The following DENND4C variants were observed in gnomAD, a reference collection of about 807,000 sequenced individuals.
DENND4C encodes DENN domain containing 4C.
In DENND4C, 108 loss-of-function variants were observed where a neutral mutation model predicts 203.0. The observed-to-expected ratio is 0.53, with a 90% CI of 0.46 to 0.62. The LOEUF is 0.62. Among genes scored for constraint, DENND4C ranks in the 20% least tolerant of loss-of-function variants. The pLI, the probability that DENND4C is intolerant of heterozygous loss-of-function variation, is 0.00. For synonymous variants in DENND4C, 871 were observed against 792.4 expected, an observed-to-expected ratio of 1.10 and a Z score of -1.67; for missense variants, 2,481 against 2,301.2, an observed-to-expected ratio of 1.08 and a Z score of -1.60.
intron 1 of DENND4C, among the ~76,000 whole-genome samples, chr9:19,250,963 G>A (rs1367848988): frequency 6.6e-6 from 1 of 152,182 alleles, no homozygotes; most frequent in African/African-American, 2.4e-5. Flanking sequence ...ACTGTGGGAG[G>A]ATCTACTATT....
At chr9:19,275,216 G>C (rs1161140546) in intron 1 of DENND4C, among the ~76,000 whole-genome samples, 1 of 151,108 alleles carries the variant, frequency 6.6e-6, no homozygotes, top group Non-Finnish European at 1.5e-5. Flanking sequence ...GACCTCAAGT[G>C]ATCCACCCGC....
rs781598244 is a variant in DENND4C at position 19,336,732 on chromosome 9, C to T, written c.2781C>T (p.His927=). 4.7e-5 allele frequency: 73 copies of T among 1,550,916 alleles called. No individual in the cohort carries two copies. The highest frequency in any genetic ancestry group is 3.1e-4 in the South Asian group (26 of 84,056). The change falls in exon 20 of 33, where the codon CAC becomes CAT. Residue 927 remains histidine (H), a synonymous_variant. Coordinates refer to ENST00000434457, the MANE Select transcript of DENND4C (RefSeq NM_001330640.2). The part of the protein sequence containing the change: ...TGGSDGDTVS[H]GSVDSSNDAN... ...GAAGTGATGGGGACACGGTGAGCCA[C>T]GGTAGTGTGGATAGTTCTAATGATG... is the stretch of plus-strand genomic sequence containing the variant.
At chr9:19,294,203 T>C (rs1414313318) in intron 5 of DENND4C, among the ~76,000 whole-genome samples, 1 of 151,864 alleles carries the variant, frequency 6.6e-6, no homozygotes. Flanking sequence ...CATGAGAGAA[T>C]GAAATGTTCC....
intron 24 of DENND4C, 60 bp from the exon 25 acceptor site, chr9:19,352,013 C>G: frequency 1.4e-6 from 2 of 1,407,018 alleles, no homozygotes; most frequent in Non-Finnish European, 2.0e-6. Context: ...CTTTGGCATG[C>G]ATTTTCAAAA....
chr9:19,314,843 C>A (rs1057424305), intron 10 of DENND4C, among the ~76,000 whole-genome samples: 10 of 151,958 alleles, frequency 6.6e-5, no homozygotes, highest in Admixed American at 6.6e-5. Context: ...AGGTAAAGGG[C>A]TTACAACTGT....
intron 17 of DENND4C, among the ~76,000 whole-genome samples, chr9:19,332,908 T>C (rs1819595469): frequency 2.6e-5 from 4 of 151,174 alleles, no homozygotes; most frequent in African/African-American, 9.7e-5. Context: ...CTTCATTTTA[T>C]TCTTAATATA....
chr9:19,263,276 G>A (rs1829788985), intron 1 of DENND4C, among the ~76,000 whole-genome samples: 1 of 152,112 alleles, frequency 6.6e-6, no homozygotes, highest in African/African-American at 2.4e-5. Context: ...TTGTCTCCCT[G>A]GTTTAAATCC....
intron 1 of DENND4C, among the ~76,000 whole-genome samples, chr9:19,231,558 C>G (rs1257906395): frequency 6.7e-6 from 1 of 150,212 alleles, no homozygotes; most frequent in Non-Finnish European, 1.5e-5. Flanking sequence ...TTTTTTTCCT[C>G]CCCTTTTCTG....
intron 1 of DENND4C, among the ~76,000 whole-genome samples, chr9:19,250,680 T>A (rs1055694142): frequency 3.3e-5 from 5 of 152,144 alleles, no homozygotes; most frequent in African/African-American, 9.7e-5. Flanking sequence ...ATTGGGTAAA[T>A]ACAGCCATTT....
chr9:19,280,614 T>A (rs1833858497), intron 2 of DENND4C, among the ~76,000 whole-genome samples: 1 of 152,154 alleles, frequency 6.6e-6, no homozygotes, highest in African/African-American at 2.4e-5. Flanking sequence ...GATAAAATTG[T>A]GGTAACCTCC....
intron 10 of DENND4C, among the ~76,000 whole-genome samples, chr9:19,306,994 G>T (rs1249962896): frequency 2.6e-5 from 4 of 151,932 alleles, no homozygotes; most frequent in African/African-American, 7.3e-5. Flanking sequence ...ATGTTGTCCA[G>T]GCTGGTCTTG....
chr9:19,287,329 G>C (rs570537437), intron 3 of DENND4C, among the ~76,000 whole-genome samples: 5 of 152,092 alleles, frequency 3.3e-5, no homozygotes, highest in African/African-American at 4.8e-5. Flanking sequence ...GGTTAGAGTG[G>C]GTAGAAGCTC....
chr9:19,361,872 T>C lies in DENND4C; in HGVS notation c.5433T>C (p.Asp1811=). ...TTCCTCTGTCATCTCTGTCCCAGGATAGCAAACTTGTGTATATTCAGCTGT... is the reference window on the plus strand; with the variant it reads ...TTCCTCTGTCATCTCTGTCCCAGGACAGCAAACTTGTGTATATTCAGCTGT... The part of the protein sequence containing the change: ...VQLPLSSLSQ[D]SKLVYIQLLW... Residue 1811 remains aspartate, a synonymous_variant, in exon 30 of 33, where the codon GAT becomes GAC. Transcript: ENST00000434457. 1 of 1,610,946 alleles carries C rather than the reference T, an allele frequency of 6.2e-7. No individual in the cohort carries two copies. Among genetic ancestry groups the C allele is most frequent in the Non-Finnish European group, 8.5e-7 (1 of 1,177,118 alleles).
intron 26 of DENND4C, among the ~76,000 whole-genome samples, chr9:19,356,549 A>C (rs1276784602): frequency 1.3e-5 from 2 of 152,174 alleles, no homozygotes; most frequent in Non-Finnish European, 2.9e-5. Context: ...ATAAGTGATA[A>C]AAGACATTAT....
intron 1 of DENND4C, among the ~76,000 whole-genome samples, chr9:19,242,174 G>T (rs1444298551): frequency 2.0e-5 from 3 of 152,160 alleles, no homozygotes. Flanking sequence ...AAATCATATA[G>T]TATGTAGCCT....
At chr9:19,279,806 A>G (rs1833666527) in intron 2 of DENND4C, among the ~76,000 whole-genome samples, 1 of 152,182 alleles carries the variant, frequency 6.6e-6, no homozygotes, top group South Asian at 2.1e-4. Flanking sequence ...GTAGCACTCC[A>G]GCGTGGGCAA....
chr9:19,370,205 C>G (rs1828544714), intron 31 of DENND4C: 1 of 529,458 alleles, frequency 1.9e-6, no homozygotes, highest in South Asian at 2.1e-5. Flanking sequence ...CACCTGTAAT[C>G]CCAGCACTTT....
At chr9:19,277,187 C>G (rs750836927) in intron 2 of DENND4C, among the ~76,000 whole-genome samples, 1 of 152,046 alleles carries the variant, frequency 6.6e-6, no homozygotes, top group South Asian at 2.1e-4. Flanking sequence ...TGGGAACATC[C>G]TGGCAAGTAT....
intron 1 of DENND4C, among the ~76,000 whole-genome samples, chr9:19,245,825 C>T (rs2131532862): frequency 6.6e-6 from 1 of 150,492 alleles, no homozygotes; most frequent in South Asian, 2.1e-4. Context: ...CATTGCACTC[C>T]AGCCTGGACG....
Sources: allele counts gnomAD v4.1 joint callset (sites outside exome capture counted in the v4.1 genomes callset), GRCh38; gene constraint gnomAD v4.1.1; transcripts MANE v1.5; gene names NCBI Gene and HGNC (gene_info 2026-07-23, HGNC 2026-07-21).